The following P4HA3 variants were observed in gnomAD, a reference collection of about 807,000 sequenced individuals.
P4HA3 encodes the protein prolyl 4-hydroxylase subunit alpha-3.
P4HA3 carries 60 observed loss-of-function variants against 66.7 expected under a neutral mutation model. The ratio of observed to expected loss-of-function variants is 0.90; its 90% CI spans 0.73 to 1.12. The LOEUF (loss-of-function observed/expected upper bound fraction) is 1.12, where lower values mean the gene tolerates loss of function less well. Ranked by LOEUF, P4HA3 falls within the 50% of genes most tolerant of loss-of-function variation. P4HA3 has a pLI of 0.00. For missense variants in P4HA3, 683 were observed against 685.8 expected (o/e 1.00, Z 0.05); for synonymous variants, 263 against 274.6 (o/e 0.96, Z 0.42).
At chr11:74,275,391 GA>G (rs1310212343) in intron 9 of P4HA3, among the ~76,000 whole-genome samples, 2 of 152,160 alleles carry the variant, frequency 1.3e-5, no homozygotes, top group Non-Finnish European at 2.9e-5. Context: ...TTATTTTGCA[GA>G]TAGATATTAA....
downstream of P4HA3, among the ~76,000 whole-genome samples, chr11:74,264,206 C>T (rs1269404702): frequency 2.1e-5 from 3 of 139,916 alleles, no homozygotes; most frequent in African/African-American, 8.1e-5. Context: ...AGTCCCAGCT[C>T]ATGAAGCCCC....
chr11:74,253,707 A>G (rs1393620220), intron 15 of P4HA3: 5 of 643,512 alleles, frequency 7.8e-6, no homozygotes, highest in Admixed American at 2.5e-5. Context: ...CTTGACCAAC[A>G]TCGGCTTCCC....
chr11:74,291,515 T>C (rs1413084756), intron 4 of P4HA3, among the ~76,000 whole-genome samples: 1 of 152,172 alleles, frequency 6.6e-6, no homozygotes. Flanking sequence ...GGCATCCCTG[T>C]CTTGTACCCG....
intron 3 of P4HA3, among the ~76,000 whole-genome samples, chr11:74,299,121 A>AG (rs1353293447): frequency 2.6e-5 from 4 of 152,226 alleles, no homozygotes; most frequent in Admixed American, 2.6e-4. Context: ...ACCATAATGA[A>AG]GGTAGACATG....
chr11:74,298,637 T>C (rs917687500), intron 3 of P4HA3, among the ~76,000 whole-genome samples: 1 of 152,158 alleles, frequency 6.6e-6, no homozygotes, highest in Admixed American at 6.5e-5. Flanking sequence ...TCATGAGTGC[T>C]CCAAAGAAAA....
At chr11:74,292,884 A>G (rs1028699828) in intron 4 of P4HA3, among the ~76,000 whole-genome samples, 3 of 152,040 alleles carry the variant, frequency 2.0e-5, no homozygotes, top group African/African-American at 4.8e-5. Flanking sequence ...TCAATTTTGG[A>G]GTAGGTATGG....
intron 4 of P4HA3, among the ~76,000 whole-genome samples, chr11:74,297,753 G>A (rs193166505): frequency 3.3e-5 from 5 of 152,296 alleles, no homozygotes; most frequent in Admixed American, 3.3e-4. Context: ...GGACTCAACT[G>A]CAGATGGGAA....
chr11:74,302,353 T>TG lies in P4HA3; in HGVS notation c.567+15_567+16insC. ...AACCAGAGCCAAGCAATTGGCCCTC[T>TG]CTTGAATATTGTTACCTTGCCAACT... On this transcript the variant is annotated intron_variant, in intron 3 of 12. Transcript: ENST00000331597. The TG allele has an allele frequency of 6.2e-7, 1 of 1,602,336 alleles. No individual in the cohort carries two copies. Among genetic ancestry groups the TG allele is most frequent in the Non-Finnish European group, 8.5e-7 (1 of 1,173,246 alleles).
intron 7 of P4HA3, 79 bp downstream of exon 7, chr11:74,285,730 G>T: frequency 7.0e-7 from 1 of 1,434,314 alleles, no homozygotes; most frequent in Non-Finnish European, 9.5e-7. Flanking sequence ...AGTTGTTCAG[G>T]TTGCCTATTC....
At chr11:74,290,510 G>C (rs1373037952) in intron 4 of P4HA3, among the ~76,000 whole-genome samples, 1 of 151,446 alleles carries the variant, frequency 6.6e-6, no homozygotes, top group Non-Finnish European at 1.5e-5. Flanking sequence ...TAGACATTAA[G>C]TCCTTGCCCA....
Position 74,266,777 on chromosome 11 carries a change from G to A in P4HA3, c.*471C>T, listed in dbSNP as rs868582653. On this transcript the variant is annotated 3_prime_UTR_variant, in exon 13 of 13. Transcript: ENST00000331597. ...ACCACTCATCTGGGATATGCTTCTG[G>A]GAGGGGGACACTCCCTGCTTGGGCT... 85 of 436,882 alleles carry A rather than the reference G, an allele frequency of 1.9e-4. No individual in the cohort carries two copies. The highest frequency in any genetic ancestry group is 5.9e-4 in the Middle Eastern group (1 of 1,708). 27.1% of individuals were successfully genotyped at this position (436,882 alleles called of 1,614,324 possible).
chr11:74,286,184 C>G (rs765407025), intron 6 of P4HA3, 44 bp downstream of exon 6: 1 of 1,587,670 alleles, frequency 6.3e-7, no homozygotes, highest in Non-Finnish European at 8.6e-7. Context: ...TTCTCAAACT[C>G]TAGCCAGGCC....
At chr11:74,260,076 C>T (rs1304130451) in exon 15 of P4HA3, 1 of 152,212 alleles carries the variant, frequency 6.6e-6, no homozygotes, top group Non-Finnish European at 1.5e-5. Flanking sequence ...CACTTATTTT[C>T]TGTTTTTTAA....
At chr11:74,254,245 C>T (rs1409677525) in intron 15 of P4HA3, 1 of 153,090 alleles carries the variant, frequency 6.5e-6, no homozygotes, top group Non-Finnish European at 1.5e-5. Flanking sequence ...CAGAGCAACC[C>T]AGGTTAAATA....
Position 74,267,390 on chromosome 11 carries a change from C to T in P4HA3, c.1565-72G>A, listed in dbSNP as rs1016419513. The T allele has an allele frequency of 2.3e-5, 36 of 1,571,164 alleles. No homozygotes were observed. In the Admixed American group the frequency reaches 4.0e-4, roughly 18 times the overall value. Reference sequence around the variant, plus strand: ...ACAGCAGCAATGCTGCAGACTGGTGCGCACTCATAGGCGCGTGTGAGTGCC... The same window carrying T: ...ACAGCAGCAATGCTGCAGACTGGTGTGCACTCATAGGCGCGTGTGAGTGCC... On this transcript the variant is annotated intron_variant, in intron 12 of 12. Transcript: ENST00000331597.
chr11:74,289,410 T>A (rs1860925724), intron 4 of P4HA3, among the ~76,000 whole-genome samples: 2 of 152,042 alleles, frequency 1.3e-5, no homozygotes, highest in Admixed American at 1.3e-4. Context: ...TGCCCTCAAA[T>A]CTTTTTTTGT....
At chr11:74,297,579 T>C (rs557900283) in intron 4 of P4HA3, among the ~76,000 whole-genome samples, 28 of 152,294 alleles carry the variant, frequency 1.8e-4, no homozygotes, top group African/African-American at 6.7e-4. Context: ...GTTTTGTTTA[T>C]TGGCAGCTGC....
chr11:74,287,263 C>A (rs758364349), intron 5 of P4HA3: 7 of 1,289,170 alleles, frequency 5.4e-6, no homozygotes, highest in Non-Finnish European at 7.1e-6. Flanking sequence ...TCTGAGGAGC[C>A]CAGTGTGCTT....
intron 4 of P4HA3, among the ~76,000 whole-genome samples, chr11:74,289,605 C>T (rs1418251610): frequency 7.9e-6 from 1 of 126,674 alleles, no homozygotes; most frequent in Non-Finnish European, 1.6e-5. Context: ...CTCCCCCCAC[C>T]CCACAACAGT....
Sources: allele counts gnomAD v4.1 joint callset (sites outside exome capture counted in the v4.1 genomes callset), GRCh38; gene constraint gnomAD v4.1.1; transcripts MANE v1.5; gene names NCBI Gene and HGNC (gene_info 2026-07-23, HGNC 2026-07-21).